Variants in ABCG5 observed in about 807,000 individuals in gnomAD.
ABCG5 encodes ATP-binding cassette sub-family G member 5.
In ABCG5, 64 loss-of-function variants were observed where a neutral mutation model predicts 64.5. The ratio of observed to expected loss-of-function variants is 0.99; its 90% CI spans 0.81 to 1.22. The LOEUF is 1.22. Ranked by LOEUF, ABCG5 falls within the 50% of genes most tolerant of loss-of-function variation. ABCG5 has a pLI of 0.00. For missense variants in ABCG5, 908 were observed against 829.5 expected (o/e 1.09, Z -1.16); for synonymous variants, 385 against 326.3 (o/e 1.18, Z -1.94).
At chr2:43,807,880 G>A (rs377290573), downstream of ABCG5, among the ~76,000 whole-genome samples, 5 of 151,154 alleles carry the variant, frequency 3.3e-5, no homozygotes, top group East Asian at 7.8e-4. Flanking sequence ...TTTTGAGGCC[G>A]TATCATTGTC....
Position 43,823,894 on chromosome 2 carries a change from C to A in ABCG5, c.1324+19G>T. On this transcript the variant is annotated intron_variant, in intron 9 of 12. Coordinates refer to ENST00000405322, the MANE Select transcript of ABCG5 (RefSeq NM_022436.3). ...TATTTAGGGAGAAAGAGGTGCACCT[C>A]CAGCACGTGGGCACTTACACAGATT... 6.2e-7 allele frequency: 1 copy of A among 1,612,612 alleles called. No homozygotes were observed. Among genetic ancestry groups the A allele is most frequent in the Non-Finnish European group, 8.5e-7 (1 of 1,178,930 alleles).
rs201620171 is a variant in ABCG5 at position 43,822,931 on chromosome 2, G to A, written c.1329C>T (p.Pro443=). The A allele has an allele frequency of 9.5e-5, 154 of 1,613,774 alleles. No individual in the cohort carries two copies. The highest frequency in any genetic ancestry group is 1.7e-4 in the Middle Eastern group (1 of 6,058). Residue 443 remains proline (P), a synonymous_variant, in exon 10 of 13, where the codon CCC becomes CCT. Transcript: ENST00000405322. ...CCTGGTCGCTGACAGCTCGCAGCAC[G>A]GGAACTGGGGATGGAAGGCAGGTTT... The part of the protein sequence containing the change: ...TGMLNAVNLF[P]VLRAVSDQES...
At chr2:43,817,143 C>T (rs977149165) in intron 11 of ABCG5, among the ~76,000 whole-genome samples, 1 of 152,176 alleles carries the variant, frequency 6.6e-6, no homozygotes, top group African/African-American at 2.4e-5. Context: ...TAAGATTTTG[C>T]AACTAATCTG....
Position 43,828,126 on chromosome 2 carries a change from C to T in ABCG5, c.502-11G>A. ...CATGACGGCCTCCACCTGCAGGAGA[C>T]ACAAATTACAGGAAGGCTGGGAGTC... is the stretch of plus-strand genomic sequence containing the variant. On this transcript the variant is annotated splice_polypyrimidine_tract_variant and intron_variant, in intron 4 of 12. Transcript: ENST00000405322. The T allele has an allele frequency of 1.9e-6, 3 of 1,613,822 alleles. No homozygotes were observed. Among genetic ancestry groups the T allele is most frequent in the Non-Finnish European group, 2.5e-6 (3 of 1,180,020 alleles).
downstream of ABCG5, chr2:43,810,139 C>A: frequency 2.8e-6 from 1 of 357,362 alleles, no homozygotes; most frequent in Non-Finnish European, 3.9e-6. Context: ...TAGACACATT[C>A]TTTCTAAAAG....
At chr2:43,835,768 G>T (rs192112482) in intron 2 of ABCG5, among the ~76,000 whole-genome samples, 1 of 152,212 alleles carries the variant, frequency 6.6e-6, no homozygotes, top group Admixed American at 6.5e-5. Flanking sequence ...GTGAGAAAAT[G>T]GCTGTCTAGG....
At chr2:43,827,730 C>G (rs1464644107) in intron 5 of ABCG5, among the ~76,000 whole-genome samples, 1 of 152,152 alleles carries the variant, frequency 6.6e-6, no homozygotes, top group East Asian at 1.9e-4. Context: ...AAGGAAAACC[C>G]CAATGGAACA....
chr2:43,826,606 A>G, intron 5 of ABCG5, 85 bp from the exon 6 acceptor site: 2 of 1,593,086 alleles, frequency 1.3e-6, no homozygotes, highest in East Asian at 2.2e-5. Context: ...ACTGTTCCTT[A>G]TTGAGTTTGT....
At chr2:43,813,971 C>T (rs116171973) in intron 12 of ABCG5, among the ~76,000 whole-genome samples, 1,890 of 152,170 alleles carry the variant, frequency 0.012, 36 homozygotes, top group African/African-American at 0.042. Flanking sequence ...CAACCTCCGA[C>T]TCCCAAAGTG....
chr2:43,839,027 G>T (rs779984848), upstream of ABCG5: 25 of 1,549,918 alleles, frequency 1.6e-5, no homozygotes, highest in African/African-American at 3.3e-4. Flanking sequence ...GAGAGCTGCA[G>T]CCCAGGGTCA....
chr2:43,820,118 C>G lies in ABCG5; in HGVS notation c.1464-18G>C, dbSNP rs759040388. On this transcript the variant is annotated intron_variant, in intron 10 of 12. Transcript: ENST00000405322. ...CCAGCGTCCTAGAAAAGCATAAGCT[C>G]TTTAGTTTCCTCTCCAAGGGCTATC... 1 of 1,610,080 alleles carries G rather than the reference C, an allele frequency of 6.2e-7. No individual in the cohort carries two copies. The highest frequency in any genetic ancestry group is 1.7e-5 in the Admixed American group (1 of 59,334).
rs907940730 is a variant in ABCG5, at chr2:43,831,927, G to T, written c.402+20C>A. The T allele has an allele frequency of 1.3e-6, 2 of 1,548,254 alleles. No homozygotes were observed. ...CCCCGGGGCGGGCGGGGGGGCCAGG[G>T]GTGTGGGGGACGCGCCCACCTGCAG... On this transcript the variant is annotated intron_variant, in intron 3 of 12. Coordinates refer to ENST00000405322, the MANE Select transcript of ABCG5 (RefSeq NM_022436.3).
At chr2:43,824,522 A>G (rs1275265438) in intron 7 of ABCG5, 90 bp from the exon 8 acceptor site, 2 of 1,596,102 alleles carry the variant, frequency 1.3e-6, no homozygotes, top group African/African-American at 1.3e-5. Context: ...TACTGGCCAT[A>G]ATACCTCATC....
At chr2:43,832,349 G>A (rs1043537261) in intron 2 of ABCG5, 6 of 579,458 alleles carry the variant, frequency 1.0e-5, no homozygotes, top group East Asian at 2.8e-5. Context: ...GGTCAAGACC[G>A]AACGTGCTTT....
chr2:43,810,652 A>G, downstream of ABCG5: 8 of 371,906 alleles, frequency 2.2e-5, no homozygotes, highest in Non-Finnish European at 3.0e-5. Flanking sequence ...CTGAGCAGAT[A>G]GCAAGCCATC....
chr2:43,838,620 G>A lies in ABCG5; in HGVS notation c.60C>T (p.Gly20=). The A allele has an allele frequency of 6.2e-7, 1 of 1,613,154 alleles. No homozygotes were observed. Among genetic ancestry groups the A allele is most frequent in the South Asian group, 1.1e-5 (1 of 90,948 alleles). ...GAGCCCCCTCCAGGGAGCTCTGGGA[G>A]CCTCTGTTTACTTGGAGACCCATGG... is the stretch of plus-strand genomic sequence containing the variant. ...GGSMGLQVNR[G]SQSSLEGAPA... Residue 20 remains glycine (G), a synonymous_variant, in exon 1 of 13, where the codon GGC becomes GGT. Coordinates refer to ENST00000405322, the MANE Select transcript of ABCG5 (RefSeq NM_022436.3). The surrounding 1 kb of genome is among the most constrained non-coding windows in gnomAD (Gnocchi z 4.2).
At chr2:43,827,406 AACAGGCCGTCCTGGTCT>A (rs1667685146) in intron 5 of ABCG5, among the ~76,000 whole-genome samples, 1 of 152,094 alleles carries the variant, frequency 6.6e-6, no homozygotes, top group Non-Finnish European at 1.5e-5. Flanking sequence ...CCATTTGAAG[AACAGGCCGTCCTGGTCT>A]ACCACAGTGC....
intron 9 of ABCG5, 21 bp from the exon 10 acceptor site, chr2:43,822,956 T>G (rs1378798664): frequency 6.2e-7 from 1 of 1,612,914 alleles, no homozygotes; most frequent in Admixed American, 1.7e-5. Context: ...AAGGCAGGTT[T>G]CAGAACAGTC....
At chr2:43,828,490 AAAAG>A (rs1290370818) in intron 4 of ABCG5, 8 of 379,622 alleles carry the variant, frequency 2.1e-5, no homozygotes, top group Admixed American at 3.6e-5. Flanking sequence ...AAAAAAAAAA[AAAAG>A]AAAGAAAAAA....
Sources: gnomAD v4.1 joint callset for allele counts (sites outside exome capture counted in the v4.1 genomes callset) on GRCh38, gnomAD v4.1.1 for gene constraint, Gnocchi (gnomAD v3.1) non-coding constraint, MANE v1.5 for transcripts, NCBI Gene and HGNC (gene_info 2026-07-23, HGNC 2026-07-21) for gene names.